The following GREB1 variants were observed in gnomAD, a reference collection of about 807,000 sequenced individuals.
GREB1 encodes growth regulating estrogen receptor binding 1.
GREB1 carries 106 observed loss-of-function variants against 200.7 expected under a neutral mutation model. The ratio of observed to expected loss-of-function variants is 0.53; its 90% CI spans 0.45 to 0.62. GREB1 has a LOEUF of 0.62. Among genes scored for constraint, GREB1 ranks in the 20% least tolerant of loss-of-function variants. GREB1 has a pLI of 0.00. For synonymous variants in GREB1, 1,132 were observed against 1,092.4 expected (o/e 1.04, Z -0.72); for missense variants, 2,243 against 2,556.8 (o/e 0.88, Z 2.65).
At chr2:11,505,293 C>G (rs1280712565) in intron 1 of GREB1, among the ~76,000 whole-genome samples, 1 of 152,074 alleles carries the variant, frequency 6.6e-6, no homozygotes, top group Non-Finnish European at 1.5e-5. Context: ...AGTTTCCCAG[C>G]CTGCACTTGA....
intron 1 of GREB1, among the ~76,000 whole-genome samples, chr2:11,517,886 G>A (rs558426680): frequency 5.9e-5 from 9 of 152,100 alleles, no homozygotes; most frequent in South Asian, 4.1e-4. Context: ...ATCTCCTGAC[G>A]TCGTGATCCA....
chr2:11,625,094 T>C (rs1466231401), intron 23 of GREB1, 60 bp from the exon 24 acceptor site: 1 of 1,329,094 alleles, frequency 7.5e-7, no homozygotes, highest in Admixed American at 1.7e-5. Flanking sequence ...TAGCGACACA[T>C]GACTGTAAAT....
rs1292349283 is a variant in GREB1 at position 11,618,810 on chromosome 2, A to G, written c.3935A>G (p.Tyr1312Cys). The G allele has an allele frequency of 3.7e-6, 6 of 1,607,916 alleles. No homozygotes were observed. The highest frequency in any genetic ancestry group is 5.1e-6 in the Non-Finnish European group (6 of 1,179,680). Residue 1312 changes from tyrosine to cysteine, a missense_variant, in exon 22 of 33, where the codon TAC becomes TGC. Tyr to Cys is a radical substitution (Grantham distance 194). Transcript: ENST00000381486. ...ACATCCACCGAGCAGTCCCTCTACT[A>G]CCGGCAGTGGACGGTGCCCCGGCCC... ...TMTSTEQSLY[Y>C]RQWTVPRPSH... is the part of the protein sequence containing the mutation.
chr2:11,615,115 A>G lies in GREB1; in HGVS notation c.3147A>G (p.Arg1049=). The G allele has an allele frequency of 6.2e-7, 1 of 1,614,080 alleles. No homozygotes were observed. The highest frequency in any genetic ancestry group is 8.5e-7 in the Non-Finnish European group (1 of 1,179,942). The part of the protein sequence containing the change: ...LPRSLRYCDL[R]LINSSCLVRT... ...GGTCTTTGAGGTACTGTGACCTGCG[A>G]TTGATAAACTCCTCCTGCTTGGTGA... The change falls in exon 20 of 33, where the codon CGA becomes CGG. Residue 1049 remains arginine (R), a synonymous_variant. Coordinates refer to ENST00000381486, the MANE Select transcript of GREB1 (RefSeq NM_014668.4).
intron 15 of GREB1, among the ~76,000 whole-genome samples, 157 bp from the exon 16 acceptor site, chr2:11,600,643 G>A (rs187249888): frequency 6.6e-6 from 1 of 152,288 alleles, no homozygotes; most frequent in East Asian, 1.9e-4. Flanking sequence ...CTGAAGTCCA[G>A]CCTTTTTTAT....
In GREB1 at chr2:11,610,892, G is replaced by T. The variant is rs199723868; in HGVS notation, c.2871G>T (p.Ser957=). Residue 957 remains serine, a synonymous_variant, in exon 18 of 33, where the codon TCG becomes TCT. Coordinates refer to ENST00000381486, the MANE Select transcript of GREB1 (RefSeq NM_014668.4). ...GLMVLLRVPC[S]PLAVVAYERL... ...TGGTCCTGCTGCGGGTGCCCTGTTC[G>T]CCCCTGGCGGTGGTGGCCTATGAGC... is the stretch of plus-strand genomic sequence containing the variant. The T allele has an allele frequency of 6.5e-5, 105 of 1,612,936 alleles. No homozygotes were observed. Among genetic ancestry groups the T allele is most frequent in the Admixed American group, 8.3e-5 (5 of 59,986 alleles).
At chr2:11,577,473 A>G (rs931957660) in intron 5 of GREB1, among the ~76,000 whole-genome samples, 2 of 152,226 alleles carry the variant, frequency 1.3e-5, no homozygotes, top group Non-Finnish European at 2.9e-5. Flanking sequence ...ATTGGGATGC[A>G]GCTTTCAGAA....
intron 23 of GREB1, among the ~76,000 whole-genome samples, chr2:11,623,767 T>C (rs1301511089): frequency 6.6e-6 from 1 of 152,128 alleles, no homozygotes; most frequent in East Asian, 1.9e-4. Flanking sequence ...GGCACGCGCC[T>C]GTAATTTCAG....
At chr2:11,552,866 C>A (rs558967864) in intron 1 of GREB1, among the ~76,000 whole-genome samples, 1 of 151,780 alleles carries the variant, frequency 6.6e-6, no homozygotes, top group African/African-American at 2.4e-5. Flanking sequence ...AAAAATTAGC[C>A]GGGCATGGTG....
Position 11,633,000 on chromosome 2 carries a change from T to G in GREB1, c.4928T>G (p.Ile1643Ser). The G allele has an allele frequency of 6.2e-7, 1 of 1,614,198 alleles. No individual in the cohort carries two copies. The highest frequency in any genetic ancestry group is 1.3e-5 in the African/African-American group (1 of 75,046). The part of the protein sequence containing the change: ...KPQDIWPFIV[I>S]SDDSCVMWNV... ...CAGGACATCTGGCCTTTCATTGTGA[T>G]CTCTGATGACTCCTGCGTGATGTGG... Residue 1643 changes from isoleucine (I) to serine (S), a missense_variant, in exon 28 of 33, where the codon ATC (isoleucine) becomes AGC (serine). Physicochemically the swap from Ile to Ser is moderately radical, Grantham distance 142 (BLOSUM62 -2). Coordinates refer to ENST00000381486, the MANE Select transcript of GREB1 (RefSeq NM_014668.4).
Position 11,562,562 on chromosome 2 carries a change from A to G in GREB1, c.257A>G (p.Glu86Gly), listed in dbSNP as rs1677179007. 1.3e-6 allele frequency: 2 copies of G among 1,599,480 alleles called. No homozygotes were observed. The highest frequency in any genetic ancestry group is 2.7e-5 in the African/African-American group (2 of 73,598). The change falls in exon 3 of 33, where the codon GAA (glutamate) becomes GGA (glycine). Residue 86 changes from glutamate (E) to glycine (G), a missense_variant. Coordinates refer to ENST00000381486, the MANE Select transcript of GREB1 (RefSeq NM_014668.4). ...PNPFQLHPLP[E>G]GCCTTDGFCQ... ...CCTTTCCAGCTGCACCCTCTGCCTG[A>G]AGGATGCTGTACCACAGACGGTGAG...
Position 11,552,740 on chromosome 2 carries a change from G to A in GREB1, c.-161-3714G>A, listed in dbSNP as rs190425276. Among the ~76,000 whole-genome samples the A allele has an allele frequency of 1.6e-3, 243 of 151,974 alleles. No individual in the cohort carries two copies. The Middle Eastern group carries it at 0.021, about 13-fold the overall frequency. On this transcript the variant is annotated intron_variant, in intron 1 of 32. Coordinates refer to ENST00000381486, the MANE Select transcript of GREB1 (RefSeq NM_014668.4). The stretch of plus-strand genomic sequence containing the variant: ...AAAAGAGCCGCAGTTGGCCGGGCGC[G>A]GTGGCTCACGCCTGTAATCCCAGCA...
intron 10 of GREB1, chr2:11,591,606 G>A (rs773779636): frequency 3.6e-5 from 22 of 612,328 alleles, no homozygotes; most frequent in Middle Eastern, 2.7e-4. Context: ...CCGATGCACC[G>A]TTCGCGTGGT....
chr2:11,483,264 GT>G (rs1672555183), intron 1 of GREB1, among the ~76,000 whole-genome samples: 2 of 148,222 alleles, frequency 1.3e-5, no homozygotes, highest in African/African-American at 5.1e-5. Flanking sequence ...GTGTGTGCAC[GT>G]GTGTGCGTGT....
upstream of GREB1, among the ~76,000 whole-genome samples, chr2:11,531,663 C>T (rs907382322): frequency 1.3e-5 from 2 of 152,002 alleles, no homozygotes; most frequent in Non-Finnish European, 2.9e-5. Context: ...CTTGGCATCT[C>T]GGGTTCAAGC....
intron 1 of GREB1, among the ~76,000 whole-genome samples, chr2:11,494,192 G>A (rs938177420): frequency 6.6e-6 from 1 of 152,208 alleles, no homozygotes; most frequent in Non-Finnish European, 1.5e-5. Context: ...ACAGAGCCAG[G>A]GTGAGAAGAT....
In GREB1 at chr2:11,580,979, C is replaced by T. The variant is rs1426592752; in HGVS notation, c.901+147C>T. ...GAGAGTCAGGCCAGGACCACAGGTG[C>T]CTCCTGAGTCCGTGGGTCTGGGCCC... On this transcript the variant is annotated intron_variant, in intron 7 of 32. Transcript: ENST00000381486. This position sits in a 1 kb window ranked among gnomAD's most constrained non-coding sequence, Gnocchi z 4.5. 5 of 956,416 alleles carry T rather than the reference C, an allele frequency of 5.2e-6. No individual in the cohort carries two copies. Among genetic ancestry groups the T allele is most frequent in the African/African-American group, 3.2e-5 (2 of 61,866 alleles). The allele number at this position is 956,416 out of a possible 1,614,324, so 59.2% of individuals were successfully genotyped here. A position where few individuals can be genotyped will look rare whatever the true frequency, so the allele number is the denominator to read the frequency against.
chr2:11,487,292 A>G lies in GREB1; in HGVS notation c.-159+4911A>G, dbSNP rs144174310. Among the ~76,000 whole-genome samples the G allele has an allele frequency of 5.3e-5, 8 of 152,330 alleles. No individual in the cohort carries two copies. The East Asian group carries it at 1.5e-3, about 29-fold the overall frequency. On this transcript the variant is annotated intron_variant, in intron 1 of 2. Transcript: ENST00000628795. The stretch of plus-strand genomic sequence containing the variant: ...TATTGAATTTCAGGGACGTGAAATG[A>G]AAAGAGATGAAGCCTTGCCTCAGTC...
chr2:11,577,689 A>G (rs1399798427), intron 5 of GREB1, among the ~76,000 whole-genome samples: 3 of 152,218 alleles, frequency 2.0e-5, no homozygotes, highest in Admixed American at 6.5e-5. Flanking sequence ...TCCTGGGAGT[A>G]GAAGGAAGAG....
Sources: gnomAD v4.1 joint callset for allele counts (sites outside exome capture counted in the v4.1 genomes callset) on GRCh38, gnomAD v4.1.1 for gene constraint, Gnocchi (gnomAD v3.1) non-coding constraint, MANE v1.5 for transcripts, NCBI Gene and HGNC (gene_info 2026-07-23, HGNC 2026-07-21) for gene names.